VWA2: variants seen among roughly 807,000 people sequenced by gnomAD.
VWA2 encodes von Willebrand factor A domain containing 2.
VWA2 carries 73 observed loss-of-function variants against 70.4 expected under a neutral mutation model. That is an observed-to-expected ratio of 1.04 (90% CI 0.86 to 1.26). The LOEUF is 1.26. Among genes scored for constraint, VWA2 ranks in the 50% most tolerant of loss-of-function variants. The pLI is 0.00. For missense variants in VWA2, 1,011 were observed against 998.5 expected (o/e 1.01, Z -0.17); for synonymous variants, 407 against 423.3 (o/e 0.96, Z 0.47).
intron 9 of VWA2, 47 bp downstream of exon 9, chr10:114,282,618 C>T: frequency 6.4e-7 from 1 of 1,560,808 alleles, no homozygotes; most frequent in Non-Finnish European, 8.8e-7. Flanking sequence ...GGCCCTGGGC[C>T]CAGGCTGCTT....
At position 114,284,916 on chromosome 10, in the gene VWA2, C is replaced by A. The variant is rs1434997178; in HGVS notation, c.943C>A (p.Leu315Met). The change falls in exon 10 of 14, where the codon CTG becomes ATG. Residue 315 changes from leucine (L) to methionine (M), a missense_variant. Physicochemically the swap from Leu to Met is conservative, Grantham distance 15. Transcript: ENST00000392982. ...QNGGTCVPEG[L>M]DGYQCLCPLA... ...TGGAGGCACATGTGTTCCAGAAGGACTGGACGGCTACCAGTGCCTCTGCCC... is the reference window on the plus strand; with the variant it reads ...TGGAGGCACATGTGTTCCAGAAGGAATGGACGGCTACCAGTGCCTCTGCCC... 6.2e-7 allele frequency: 1 copy of A among 1,605,390 alleles called. No individual in the cohort carries two copies. The highest frequency in any genetic ancestry group is 2.2e-5 in the East Asian group (1 of 44,488).
In VWA2 at chr10:114,294,360, TGTCA is replaced by T. The variant is rs1269417296; in HGVS notation, c.*3126_*3129del. Reference sequence around the variant, plus strand: ...TATTTTTTTATAATTTGAAAAATCTTGTCAGTATCTGTATTAAGGCCTCCATTTC... The same window carrying T: ...TATTTTTTTATAATTTGAAAAATCTTGTATCTGTATTAAGGCCTCCATTTC... On this transcript the variant is annotated 3_prime_UTR_variant, in exon 14 of 14. Transcript: ENST00000392982. Among the ~76,000 whole-genome samples the T allele has an allele frequency of 1.3e-5, 2 of 152,234 alleles. No individual in the cohort carries two copies. The highest frequency in any genetic ancestry group is 4.8e-5 in the African/African-American group (2 of 41,464).
At chr10:114,264,652 C>A (rs951099164) in intron 5 of VWA2, among the ~76,000 whole-genome samples, 1 of 152,048 alleles carries the variant, frequency 6.6e-6, no homozygotes, top group Non-Finnish European at 1.5e-5. Flanking sequence ...ATCTCCTGAC[C>A]TCGTGATCTG....
intron 1 of VWA2, 55 bp from the exon 2 acceptor site, chr10:114,248,649 G>C: frequency 6.7e-7 from 1 of 1,482,264 alleles, no homozygotes; most frequent in Non-Finnish European, 9.4e-7. Context: ...GTGTGACTTG[G>C]GGCGTTCACA....
chr10:114,260,610 T>C (rs957687360), intron 4 of VWA2, among the ~76,000 whole-genome samples: 7 of 152,140 alleles, frequency 4.6e-5, no homozygotes, highest in Non-Finnish European at 1.0e-4. Flanking sequence ...CGCTGCTGGC[T>C]TGTGTGGGCT....
intron 1 of VWA2, among the ~76,000 whole-genome samples, chr10:114,248,449 G>A (rs2037121488): frequency 6.6e-6 from 1 of 152,200 alleles, no homozygotes; most frequent in Non-Finnish European, 1.5e-5. Context: ...CCCGTGGAGG[G>A]CTGGGGTGCA....
At chr10:114,290,637 CAT>C (rs1465033492) in intron 13 of VWA2, among the ~76,000 whole-genome samples, 3 of 152,144 alleles carry the variant, frequency 2.0e-5, no homozygotes, top group Non-Finnish European at 4.4e-5. Context: ...AATAATACAA[CAT>C]GTGGTGTGGT....
rs1442286431 is a variant in VWA2 at position 114,289,345 on chromosome 10, A to G, written c.1978A>G (p.Ile660Val). 6.2e-7 allele frequency: 1 copy of G among 1,614,254 alleles called. No homozygotes were observed. The highest frequency in any genetic ancestry group is 1.3e-5 in the African/African-American group (1 of 75,072). ...VPAQKLRNNG[I>V]SVLVVGVGPV... ...TGCCCAGAAGCTGAGGAACAATGGC[A>G]TCTCTGTCTTGGTCGTGGGCGTGGG... The change falls in exon 12 of 14, where the codon ATC becomes GTC. Residue 660 changes from isoleucine (I) to valine (V), a missense_variant. Physicochemically the swap from Ile to Val is conservative, Grantham distance 29. Coordinates refer to ENST00000392982, the MANE Select transcript of VWA2 (RefSeq NM_001272046.2).
chr10:114,275,972 A>T (rs1004403127), intron 6 of VWA2, among the ~76,000 whole-genome samples: 1 of 152,222 alleles, frequency 6.6e-6, no homozygotes, highest in South Asian at 2.1e-4. Flanking sequence ...AAATAAACAC[A>T]ATATAAATTC....
intron 1 of VWA2, among the ~76,000 whole-genome samples, chr10:114,243,189 G>T (rs768811717): frequency 6.6e-6 from 1 of 152,212 alleles, no homozygotes; most frequent in Non-Finnish European, 1.5e-5. Context: ...CAGAAAGTAT[G>T]GGAGGGCTTG....
At position 114,239,506 on chromosome 10, in the gene VWA2, G is replaced by C. The variant is rs2036936212; in HGVS notation, c.-74G>C. The C allele has an allele frequency of 6.6e-6, 1 of 152,308 alleles. No individual in the cohort carries two copies. The highest frequency in any genetic ancestry group is 1.5e-5 in the Non-Finnish European group (1 of 68,152). The allele number at this position is 152,308 out of a possible 1,614,324, so 9.4% of individuals were successfully genotyped here. A position where few individuals can be genotyped will look rare whatever the true frequency, so the allele number is the denominator to read the frequency against. ...GATCCCGTAGCGCCCCCTGGCCCGA[G>C]CCGCGCCCGGGTCTGTGAGTAGAGC... On this transcript the variant is annotated 5_prime_UTR_variant, in exon 1 of 14. Transcript: ENST00000392982.
intron 4 of VWA2, among the ~76,000 whole-genome samples, chr10:114,257,459 T>G (rs1466059453): frequency 6.6e-6 from 1 of 152,166 alleles, no homozygotes; most frequent in Non-Finnish European, 1.5e-5. Flanking sequence ...TAGTTGGGAA[T>G]GAAGGGTCCT....
At chr10:114,290,448 A>T (rs2133718823) in intron 13 of VWA2, 83 bp downstream of exon 13, 2 of 1,522,124 alleles carry the variant, frequency 1.3e-6, no homozygotes, top group Non-Finnish European at 1.8e-6. Flanking sequence ...AGCTGAAGGC[A>T]GGTTCTAAAA....
chr10:114,275,150 C>T (rs751228498), intron 6 of VWA2, among the ~76,000 whole-genome samples: 10 of 152,032 alleles, frequency 6.6e-5, no homozygotes, highest in East Asian at 1.9e-4. Flanking sequence ...AGATGACCAA[C>T]GGGCCAGCAA....
chr10:114,260,220 G>A (rs1005118732), intron 4 of VWA2, among the ~76,000 whole-genome samples: 3 of 152,180 alleles, frequency 2.0e-5, no homozygotes, highest in South Asian at 2.1e-4. Context: ...AGTCTTCTCT[G>A]CTCAAGACAC....
chr10:114,281,249 C>T (rs927902114), intron 8 of VWA2: 8 of 152,230 alleles, frequency 5.3e-5, no homozygotes, highest in African/African-American at 1.9e-4. Context: ...TGAGGCCATC[C>T]CAGGAGCTGC....
chr10:114,277,478 C>T (rs917000139), intron 6 of VWA2, among the ~76,000 whole-genome samples: 2 of 152,070 alleles, frequency 1.3e-5, no homozygotes, highest in African/African-American at 2.4e-5. Context: ...CACCACACCC[C>T]CCCTCCGACT....
chr10:114,280,012 C>G (rs2037989854), intron 8 of VWA2, among the ~76,000 whole-genome samples: 2 of 152,238 alleles, frequency 1.3e-5, no homozygotes, highest in Admixed American at 1.3e-4. Context: ...CATTCAGACT[C>G]TGCTCTCAGG....
intron 5 of VWA2, among the ~76,000 whole-genome samples, chr10:114,264,423 CT>C (rs35282387): frequency 0.2 from 28,551 of 146,250 alleles, 3,290 homozygotes; most frequent in African/African-American, 0.34. Context: ...TCCACGTTTT[CT>C]TTTTTTTTTT....
Sources: allele counts gnomAD v4.1 joint callset (sites outside exome capture counted in the v4.1 genomes callset), GRCh38; gene constraint gnomAD v4.1.1; transcripts MANE v1.5; gene names NCBI Gene and HGNC (gene_info 2026-07-23, HGNC 2026-07-21).